Variants in AUTS2 observed in about 807,000 individuals in gnomAD.
The protein encoded by AUTS2 is activator of transcription and developmental regulator AUTS2, also known as autism susceptibility gene 2 protein.
A neutral mutation model predicts 112.4 loss-of-function variants in AUTS2; 17 were observed. The observed-to-expected ratio is 0.15, with a 90% CI of 0.10 to 0.23. The LOEUF (loss-of-function observed/expected upper bound fraction) is 0.23. AUTS2 is among the 10% of genes least tolerant of loss of function. The probability of loss-of-function intolerance (pLI) is 1.00; values close to 1 mark genes in which losing one functional copy is unlikely to be tolerated. For synonymous variants in AUTS2, 751 were observed against 702.7 expected (o/e 1.07, Z -1.09); for missense variants, 1,510 against 1,701.6 (o/e 0.89, Z 1.98).
At chr7:69,963,353 C>T (rs1797505877) in intron 2 of AUTS2, among the ~76,000 whole-genome samples, 1 of 152,108 alleles carries the variant, frequency 6.6e-6, no homozygotes, top group African/African-American at 2.4e-5. Context: ...CTTGCAGCTA[C>T]CAAACCATAG....
chr7:70,541,406 A>G (rs1460976595), intron 5 of AUTS2, among the ~76,000 whole-genome samples: 1 of 152,232 alleles, frequency 6.6e-6, no homozygotes, highest in African/African-American at 2.4e-5. Context: ...CTTCACATAC[A>G]TAACTGCTCA....
Position 70,022,350 on chromosome 7 carries a change from T to G in AUTS2, c.523-95782T>G, listed in dbSNP as rs1172008052. Reference sequence around the variant, plus strand: ...TTTTTTTTTTTTTTGAGACAGAGTCTTGCTCTGTTGCCCAAGCTGGAGTGC... The same window carrying G: ...TTTTTTTTTTTTTTGAGACAGAGTCGTGCTCTGTTGCCCAAGCTGGAGTGC... On this transcript the variant is annotated intron_variant, in intron 2 of 18. Transcript: ENST00000342771. Among the ~76,000 whole-genome samples the G allele has an allele frequency of 2.6e-5, 4 of 151,464 alleles. No homozygotes were observed. The East Asian group carries it at 7.8e-4, about 29-fold the overall frequency.
At chr7:70,539,469 A>G (rs961831047) in intron 5 of AUTS2, among the ~76,000 whole-genome samples, 2 of 152,154 alleles carry the variant, frequency 1.3e-5, no homozygotes, top group African/African-American at 4.8e-5. Flanking sequence ...GCTGTGCTGC[A>G]ACTTTTAATG....
intron 1 of AUTS2, among the ~76,000 whole-genome samples, chr7:69,722,581 C>T (rs1428940794): frequency 6.6e-6 from 1 of 152,098 alleles, no homozygotes; most frequent in Non-Finnish European, 1.5e-5. Flanking sequence ...AGTGATCCGC[C>T]TGCCTTGTCC....
chr7:70,720,674 C>G (rs1786590345), intron 6 of AUTS2, among the ~76,000 whole-genome samples: 1 of 152,172 alleles, frequency 6.6e-6, no homozygotes, highest in Non-Finnish European at 1.5e-5. Flanking sequence ...TCTTTGTCAC[C>G]AGGCCAAGTT....
intron 2 of AUTS2, among the ~76,000 whole-genome samples, chr7:69,918,001 C>T (rs1214213258): frequency 1.3e-5 from 2 of 152,088 alleles, no homozygotes; most frequent in Admixed American, 1.3e-4. Flanking sequence ...CGCCACCACA[C>T]CTGGCTAATT....
intron 5 of AUTS2, among the ~76,000 whole-genome samples, chr7:70,501,379 C>T (rs1439231515): frequency 6.6e-6 from 1 of 152,152 alleles, no homozygotes; most frequent in Non-Finnish European, 1.5e-5. Context: ...CGGCTGCCTC[C>T]TTCTAGCCTA....
At chr7:69,864,371 C>G (rs1306940279) in intron 1 of AUTS2, among the ~76,000 whole-genome samples, 1 of 152,130 alleles carries the variant, frequency 6.6e-6, no homozygotes, top group Non-Finnish European at 1.5e-5. Context: ...GCAGCTCTCT[C>G]CTGTTGCAGC....
intron 1 of AUTS2, among the ~76,000 whole-genome samples, chr7:69,675,865 A>C (rs1458100087): frequency 6.6e-6 from 1 of 152,258 alleles, no homozygotes; most frequent in Non-Finnish European, 1.5e-5. Flanking sequence ...TTGTATGTAT[A>C]TATATTCACA....
intron 1 of AUTS2, among the ~76,000 whole-genome samples, chr7:69,755,933 G>T (rs1245672143): frequency 6.6e-6 from 1 of 152,156 alleles, no homozygotes; most frequent in Non-Finnish European, 1.5e-5. Flanking sequence ...GTTTGCTAAT[G>T]GTTATCCCTG....
At chr7:69,822,203 A>T (rs1469949424) in intron 1 of AUTS2, among the ~76,000 whole-genome samples, 1 of 152,198 alleles carries the variant, frequency 6.6e-6, no homozygotes, top group Admixed American at 6.5e-5. Flanking sequence ...AATATTTACA[A>T]TTCACTGTGG....
intron 5 of AUTS2, among the ~76,000 whole-genome samples, chr7:70,642,790 C>A (rs375095322): frequency 2.6e-5 from 4 of 151,812 alleles, no homozygotes; most frequent in South Asian, 4.2e-4. Flanking sequence ...CATAAACATG[C>A]GTGTCAACTC....
chr7:70,328,685 AAC>A (rs1366809492), intron 4 of AUTS2, among the ~76,000 whole-genome samples: 1 of 152,236 alleles, frequency 6.6e-6, no homozygotes, highest in Non-Finnish European at 1.5e-5. Flanking sequence ...AAGTAAAATT[AAC>A]CACATTCAGC....
intron 5 of AUTS2, among the ~76,000 whole-genome samples, chr7:70,472,183 G>A (rs570427279): frequency 6.6e-6 from 1 of 152,232 alleles, no homozygotes; most frequent in South Asian, 2.1e-4. Context: ...GAGTCCTTTG[G>A]CGTAGCTTTT....
intron 1 of AUTS2, among the ~76,000 whole-genome samples, chr7:69,885,822 A>C (rs1000193579): frequency 6.6e-6 from 1 of 152,250 alleles, no homozygotes; most frequent in African/African-American, 2.4e-5. Context: ...TGTTGTGCAG[A>C]CATTAATGGT....
intron 1 of AUTS2, among the ~76,000 whole-genome samples, chr7:69,764,432 C>T (rs1351689377): frequency 6.6e-6 from 1 of 151,142 alleles, no homozygotes; most frequent in African/African-American, 2.4e-5. Context: ...GGCAGGGGCG[C>T]AGGTCTCTAT....
chr7:70,695,582 G>C (rs1809042108), intron 5 of AUTS2, among the ~76,000 whole-genome samples: 1 of 151,882 alleles, frequency 6.6e-6, no homozygotes, highest in Non-Finnish European at 1.5e-5. Context: ...GGGTGCGGAG[G>C]GCGGCCCCCG....
intron 4 of AUTS2, among the ~76,000 whole-genome samples, chr7:70,346,064 A>G (rs1791482383): frequency 6.6e-6 from 1 of 152,048 alleles, no homozygotes; most frequent in Non-Finnish European, 1.5e-5. Context: ...TTCATCTCTC[A>G]TGCTCATGGA....
At chr7:70,602,693 G>A (rs38313) in intron 5 of AUTS2, among the ~76,000 whole-genome samples, 68,155 of 152,064 alleles carry the variant, frequency 0.45, 15,853 homozygotes, top group Non-Finnish European at 0.48. Context: ...AGGCTGGGTC[G>A]TAATTAGAGT....
Sources: allele counts gnomAD v4.1 joint callset (sites outside exome capture counted in the v4.1 genomes callset), GRCh38; gene constraint gnomAD v4.1.1; transcripts MANE v1.5; gene names NCBI Gene and HGNC (gene_info 2026-07-23, HGNC 2026-07-21).